Variants in ZNF169 observed in about 807,000 individuals in gnomAD.
ZNF169 encodes zinc finger protein 169.
Under a neutral mutation model 12.0 loss-of-function variants are expected in ZNF169, and 11 were observed. The ratio of observed to expected loss-of-function variants is 0.92; its 90% confidence interval spans 0.58 to 1.52. ZNF169 has a LOEUF of 1.52. Ranked by LOEUF, ZNF169 falls within the 40% of genes most tolerant of loss-of-function variation. ZNF169 has a pLI of 0.00. For synonymous variants in ZNF169, 302 were observed against 286.5 expected (o/e 1.05, Z -0.55); for missense variants, 722 against 744.0 (o/e 0.97, Z 0.34).
chr9:94,267,290 C>T (rs1482176513), intron 1 of ZNF169, among the ~76,000 whole-genome samples: 1 of 152,146 alleles, frequency 6.6e-6, no homozygotes, highest in East Asian at 1.9e-4. Flanking sequence ...AAACCCTGTA[C>T]AGGGACTGTG....
chr9:94,273,917 C>T (rs188155561), intron 1 of ZNF169, among the ~76,000 whole-genome samples: 189 of 152,262 alleles, frequency 1.2e-3, no homozygotes, highest in African/African-American at 4.2e-3. Context: ...GCCTTATTAC[C>T]GGCTGTATTC....
Position 94,291,047 on chromosome 9 carries a change from CTTTTTTTTTTTTT to C in ZNF169, c.34-1281_34-1269del, listed in dbSNP as rs59027045. On this transcript the variant is annotated intron_variant, in intron 2 of 4. Coordinates refer to ENST00000395395, the MANE Select transcript of ZNF169 (RefSeq NM_194320.4). ...TGATTCTGGTCTATGGAACAGTATTCTTTTTTTTTTTTTTTTTTTTTTTTTGAGATGGAGTTTT... is the reference window on the plus strand; with the variant it reads ...TGATTCTGGTCTATGGAACAGTATTCTTTTTTTTTTTTGAGATGGAGTTTT... Among the ~76,000 whole-genome samples, 2 of 59,570 alleles carry C rather than the reference CTTTTTTTTTTTTT, an allele frequency of 3.4e-5. 1 individual carries two copies. Among genetic ancestry groups the C allele is most frequent in the African/African-American group, 1.5e-4 (2 of 13,736 alleles). 39.1% of individuals were successfully genotyped at this position (59,570 alleles called of 152,430 possible). A position where few individuals can be genotyped will look rare whatever the true frequency, so the allele number is the denominator to read the frequency against.
At chr9:94,264,044 C>T (rs943763278) in intron 1 of ZNF169, among the ~76,000 whole-genome samples, 14 of 152,198 alleles carry the variant, frequency 9.2e-5, no homozygotes, top group African/African-American at 2.9e-4. Context: ...TACCTACCTA[C>T]TCCGTCATTC....
intron 1 of ZNF169, among the ~76,000 whole-genome samples, chr9:94,263,413 T>C (rs1830238572): frequency 6.6e-6 from 1 of 152,208 alleles, no homozygotes; most frequent in Non-Finnish European, 1.5e-5. Flanking sequence ...AGTCTTGTTA[T>C]GTTTACTCTT....
chr9:94,288,311 G>A (rs1322235014), intron 2 of ZNF169: 5 of 880,598 alleles, frequency 5.7e-6, no homozygotes, highest in Non-Finnish European at 9.6e-6. Flanking sequence ...TCAGTGCCTG[G>A]TGTGTTGTCG....
chr9:94,287,396 C>T (rs907683453), intron 2 of ZNF169, among the ~76,000 whole-genome samples: 7 of 152,182 alleles, frequency 4.6e-5, no homozygotes, highest in East Asian at 3.9e-4. Context: ...AACGGAGTCT[C>T]GCTCTGTCAC....
chr9:94,288,007 T>G, intron 2 of ZNF169: 1 of 796,052 alleles, frequency 1.3e-6, no homozygotes, highest in East Asian at 2.5e-5. Flanking sequence ...TTCACTTTAG[T>G]GTGAAACTGG....
intron 1 of ZNF169, among the ~76,000 whole-genome samples, chr9:94,273,575 C>CTTTTTTTT (rs768421966): frequency 4.5e-5 from 5 of 109,962 alleles, no homozygotes; most frequent in African/African-American, 6.0e-5. Flanking sequence ...AACTTTCTTT[C>CTTTTTTTT]TTTCTTTTTT....
intron 4 of ZNF169, chr9:94,293,448 G>A (rs1032897931): frequency 2.2e-5 from 11 of 507,394 alleles, no homozygotes; most frequent in South Asian, 1.1e-4. Flanking sequence ...ACAGAGTCTC[G>A]TTCTGTCACC....
At chr9:94,263,963 C>T (rs967182329) in intron 1 of ZNF169, among the ~76,000 whole-genome samples, 1 of 151,810 alleles carries the variant, frequency 6.6e-6, no homozygotes. Context: ...ATATTTGTAA[C>T]TCTTCACAGT....
rs1340566722 is a variant in ZNF169, at chr9:94,292,485, AAGGTTTC to A, written c.160+21_160+27del. On this transcript the variant is annotated intron_variant, in intron 3 of 4. Transcript: ENST00000395395. ...CTCCCTGGGTAAGGCTGGCCTGTTT[AAGGTTTC>A]AGATTCTGCTTGTGGGTATTTTAAG... 6.2e-7 allele frequency: 1 copy of A among 1,607,266 alleles called. No individual in the cohort carries two copies. The highest frequency in any genetic ancestry group is 2.2e-5 in the East Asian group (1 of 44,726).
chr9:94,300,173 C>T lies in ZNF169; in HGVS notation c.615C>T (p.Asp205=), dbSNP rs1205012519. 6.2e-7 allele frequency: 1 copy of T among 1,614,186 alleles called. No individual in the cohort carries two copies. The highest frequency in any genetic ancestry group is 8.5e-7 in the Non-Finnish European group (1 of 1,180,038). Residue 205 remains aspartate (D), a synonymous_variant, in exon 5 of 5, where the codon GAC becomes GAT. Transcript: ENST00000395395. ...CAGACACAATGTTGAAGGGAGCAGA[C>T]ACTTCAGAATCTGGAGCAGTCATAC... The part of the protein sequence containing the change: ...GGSDTMLKGA[D]TSESGAVIRG...
intron 2 of ZNF169, chr9:94,288,278 C>G: frequency 2.4e-6 from 2 of 816,848 alleles, no homozygotes; most frequent in Non-Finnish European, 4.3e-6. Flanking sequence ...AGTTCACGTG[C>G]AAGCTGATCT....
intron 2 of ZNF169, among the ~76,000 whole-genome samples, chr9:94,281,885 T>C (rs1830646426): frequency 6.6e-6 from 1 of 152,128 alleles, no homozygotes; most frequent in Non-Finnish European, 1.5e-5. Context: ...CAGAAGAAGC[T>C]CTCAGATAGC....
At chr9:94,282,463 A>G (rs1049915857) in intron 2 of ZNF169, among the ~76,000 whole-genome samples, 2 of 152,200 alleles carry the variant, frequency 1.3e-5, no homozygotes, top group Admixed American at 6.5e-5. Context: ...GATGACTTGA[A>G]CAAGAGGGGT....
At chr9:94,293,457 C>T in intron 4 of ZNF169, 2 of 483,950 alleles carry the variant, frequency 4.1e-6, no homozygotes, top group East Asian at 4.1e-5. Flanking sequence ...CGTTCTGTCA[C>T]CCAGGCTGGA....
chr9:94,274,964 A>G (rs1436666559), intron 1 of ZNF169, among the ~76,000 whole-genome samples: 1 of 152,104 alleles, frequency 6.6e-6, no homozygotes, highest in Non-Finnish European at 1.5e-5. Flanking sequence ...TTGACTGGGC[A>G]TGGTGCTTTA....
In ZNF169 at chr9:94,300,171, G is replaced by T. The variant is rs1252834686; in HGVS notation, c.613G>T (p.Asp205Tyr). 9 of 1,614,044 alleles carry T rather than the reference G, an allele frequency of 5.6e-6. No individual in the cohort carries two copies. Among genetic ancestry groups the T allele is most frequent in the African/African-American group, 1.3e-5 (1 of 74,926 alleles). ...GTCAGACACAATGTTGAAGGGAGCA[G>T]ACACTTCAGAATCTGGAGCAGTCAT... ...GGSDTMLKGA[D>Y]TSESGAVIRG... The change falls in exon 5 of 5, where the codon GAC becomes TAC. Residue 205 changes from aspartate to tyrosine, a missense_variant. Coordinates refer to ENST00000395395, the MANE Select transcript of ZNF169 (RefSeq NM_194320.4).
chr9:94,280,923 C>T (rs528810895), intron 2 of ZNF169, among the ~76,000 whole-genome samples: 6 of 152,098 alleles, frequency 3.9e-5, no homozygotes, highest in South Asian at 4.2e-4. Context: ...GTAGAACTGG[C>T]GGGAAAGTTG....
Sources: gnomAD v4.1 joint callset for allele counts (sites outside exome capture counted in the v4.1 genomes callset) on GRCh38, gnomAD v4.1.1 for gene constraint, MANE v1.5 for transcripts, NCBI Gene and HGNC (gene_info 2026-07-23, HGNC 2026-07-21) for gene names.